Variants in GRB10 observed in about 807,000 individuals in gnomAD.
The protein encoded by GRB10 is growth factor receptor-bound protein 10.
In GRB10, 20 loss-of-function variants were observed where a neutral mutation model predicts 80.9. That is an observed-to-expected ratio of 0.25 (90% CI 0.17 to 0.36). The LOEUF (loss-of-function observed/expected upper bound fraction) is 0.36. Among genes scored for constraint, GRB10 ranks in the 10% least tolerant of loss-of-function variants. The pLI, the probability that GRB10 is intolerant of heterozygous loss-of-function variation, is 1.00. For synonymous variants in GRB10, 291 were observed against 291.5 expected, an observed-to-expected ratio of 1.00 and a Z score of 0.02; for missense variants, 548 against 747.7, an observed-to-expected ratio of 0.73 and a Z score of 3.12.
At chr7:50,721,225 G>A (rs1315039849) in intron 4 of GRB10, among the ~76,000 whole-genome samples, 1 of 152,198 alleles carries the variant, frequency 6.6e-6, no homozygotes, top group Non-Finnish European at 1.5e-5. Flanking sequence ...ATATTAAATG[G>A]ACAATTCCAG....
chr7:50,719,619 C>G (rs1246372533), intron 4 of GRB10, among the ~76,000 whole-genome samples: 2 of 152,044 alleles, frequency 1.3e-5, no homozygotes, highest in African/African-American at 4.8e-5. Flanking sequence ...TGCAGCAAAC[C>G]ACCATGGCAC....
chr7:50,753,889 G>A (rs2074584442), intron 3 of GRB10, among the ~76,000 whole-genome samples: 1 of 152,220 alleles, frequency 6.6e-6, no homozygotes, highest in Non-Finnish European at 1.5e-5. Context: ...GGTGATCCAG[G>A]AAGTGGGCGC....
chr7:50,654,447 G>C (rs1168424685), intron 7 of GRB10, among the ~76,000 whole-genome samples: 2 of 152,304 alleles, frequency 1.3e-5, no homozygotes, highest in South Asian at 4.1e-4. Context: ...CTTAACAGAC[G>C]AGGTTCTGGT....
chr7:50,682,963 A>G (rs1332252968), intron 5 of GRB10, among the ~76,000 whole-genome samples: 3 of 152,240 alleles, frequency 2.0e-5, no homozygotes, highest in Non-Finnish European at 4.4e-5. Context: ...ATTTTTAAAA[A>G]GTAAAAGCAG....
At chr7:50,777,429 T>TACACAC (rs71018485) in intron 2 of GRB10, among the ~76,000 whole-genome samples, 3,962 of 146,234 alleles carry the variant, frequency 0.027, 139 homozygotes, top group African/African-American at 0.08. Flanking sequence ...GCAATCTGTA[T>TACACAC]ACACACACAC....
upstream of GRB10, among the ~76,000 whole-genome samples, chr7:50,783,704 G>C (rs763569465): frequency 2.6e-5 from 4 of 152,232 alleles, no homozygotes; most frequent in Non-Finnish European, 4.4e-5. Context: ...GGTAGGAAAA[G>C]CTAGACATTG....
intron 4 of GRB10, chr7:50,705,062 A>C: frequency 9.0e-6 from 7 of 780,664 alleles, no homozygotes; most frequent in Non-Finnish European, 1.1e-5. Context: ...CCCAGCAAGC[A>C]GTTTCTCTGC....
At chr7:50,696,260 C>T (rs145945255) in intron 5 of GRB10, among the ~76,000 whole-genome samples, 64 of 152,230 alleles carry the variant, frequency 4.2e-4, no homozygotes, top group Non-Finnish European at 7.6e-4. Context: ...AGTAGCAAAC[C>T]GCCTTCCAGA....
At chr7:50,790,045 G>A (rs1358639364) in intron 1 of GRB10, among the ~76,000 whole-genome samples, 2 of 152,208 alleles carry the variant, frequency 1.3e-5, no homozygotes, top group East Asian at 3.8e-4. Context: ...CAAAAGTGCA[G>A]GAAAGCTCAT....
At chr7:50,764,918 C>T (rs1168047210) in intron 2 of GRB10, among the ~76,000 whole-genome samples, 1 of 152,186 alleles carries the variant, frequency 6.6e-6, no homozygotes. Context: ...TTGCAAACTA[C>T]TCATCTGACA....
At chr7:50,625,652 G>A (rs1458602718) in intron 8 of GRB10, among the ~76,000 whole-genome samples, 1 of 152,244 alleles carries the variant, frequency 6.6e-6, no homozygotes, top group Non-Finnish European at 1.5e-5. Context: ...AGTGACAATG[G>A]AGGAGAAGGC....
intron 2 of GRB10, among the ~76,000 whole-genome samples, chr7:50,767,437 C>G (rs913688991): frequency 2.6e-5 from 4 of 152,170 alleles, no homozygotes; most frequent in Non-Finnish European, 4.4e-5. Flanking sequence ...CCTGGTACGG[C>G]CTCTTGTCAT....
At chr7:50,767,740 C>G (rs2076513144) in intron 2 of GRB10, among the ~76,000 whole-genome samples, 1 of 152,172 alleles carries the variant, frequency 6.6e-6, no homozygotes, top group Non-Finnish European at 1.5e-5. Flanking sequence ...AAATCAGACC[C>G]AGCAGTGAGC....
chr7:50,677,301 A>G (rs1341340506), intron 5 of GRB10, among the ~76,000 whole-genome samples: 1 of 152,226 alleles, frequency 6.6e-6, no homozygotes, highest in African/African-American at 2.4e-5. Context: ...CAGAGTCAGC[A>G]GGCGAACTCT....
At chr7:50,759,876 G>A (rs1175699417) in intron 2 of GRB10, among the ~76,000 whole-genome samples, 2 of 152,150 alleles carry the variant, frequency 1.3e-5, no homozygotes, top group African/African-American at 4.8e-5. Flanking sequence ...TGAATGGCCA[G>A]GGGGCAGAGC....
chr7:50,734,474 C>T (rs1422274666), intron 3 of GRB10, among the ~76,000 whole-genome samples: 5 of 152,154 alleles, frequency 3.3e-5, no homozygotes, highest in East Asian at 3.8e-4. Context: ...CCACGCACGC[C>T]GCACGCCTCC....
intron 4 of GRB10, chr7:50,705,450 C>T (rs2064907218): frequency 4.1e-6 from 1 of 246,712 alleles, no homozygotes; most frequent in Non-Finnish European, 6.5e-6. Flanking sequence ...GTAAAACTTG[C>T]TAAGTATAAA....
chr7:50,792,040 G>A (rs2078939442), intron 1 of GRB10, among the ~76,000 whole-genome samples: 1 of 152,130 alleles, frequency 6.6e-6, no homozygotes, highest in Non-Finnish European at 1.5e-5. Flanking sequence ...CGGTTGCTGC[G>A]CTAACAACAT....
At chr7:50,683,585 A>G (rs575480017) in intron 5 of GRB10, among the ~76,000 whole-genome samples, 135 of 152,196 alleles carry the variant, frequency 8.9e-4, no homozygotes, top group African/African-American at 3.1e-3. Context: ...AAAAATACAA[A>G]AATTAGCCAG....
Sources: gnomAD v4.1 joint callset for allele counts (sites outside exome capture counted in the v4.1 genomes callset) on GRCh38, gnomAD v4.1.1 for gene constraint, MANE v1.5 for transcripts, NCBI Gene and HGNC (gene_info 2026-07-23, HGNC 2026-07-21) for gene names.